Variants in SMG6 observed in about 807,000 individuals in gnomAD.
The protein encoded by SMG6 is SMG6 nonsense mediated mRNA decay factor, also known as telomerase-binding protein EST1A.
A neutral mutation model predicts 142.2 loss-of-function variants in SMG6; 66 were observed. The observed-to-expected ratio is 0.46, with a 90% CI of 0.38 to 0.57. The LOEUF is 0.57. SMG6 is among the 20% of genes least tolerant of loss of function. The probability of loss-of-function intolerance (pLI) is 0.00; values close to 1 mark genes in which losing one functional copy is unlikely to be tolerated. For synonymous variants in SMG6, 779 were observed against 702.4 expected (o/e 1.11, Z -1.72); for missense variants, 1,793 against 1,832.0 (o/e 0.98, Z 0.39).
intron 13 of SMG6, among the ~76,000 whole-genome samples, chr17:2,172,011 C>A (rs546073937): frequency 6.6e-6 from 1 of 152,148 alleles, no homozygotes; most frequent in South Asian, 2.1e-4. Flanking sequence ...CTTTACCTGG[C>A]TGAAAACCCA....
intron 13 of SMG6, among the ~76,000 whole-genome samples, chr17:2,094,490 C>T (rs2096893633): frequency 6.6e-6 from 1 of 152,144 alleles, no homozygotes; most frequent in African/African-American, 2.4e-5. Context: ...CCACCTGTCT[C>T]GGCCTCCCAA....
intron 13 of SMG6, among the ~76,000 whole-genome samples, chr17:2,118,017 G>A (rs1369384791): frequency 6.6e-6 from 1 of 151,424 alleles, no homozygotes; most frequent in Non-Finnish European, 1.5e-5. Context: ...CCAAGGCAGG[G>A]GGATCACTTG....
rs188665354 is a variant in SMG6, at chr17:2,251,222, T to C, written c.2662-6503A>G. Among the ~76,000 whole-genome samples the C allele has an allele frequency of 1.5e-4, 22 of 151,544 alleles. No individual in the cohort carries two copies. In the East Asian group the frequency reaches 2.9e-3, roughly 20 times the overall value. On this transcript the variant is annotated intron_variant, in intron 8 of 18. Transcript: ENST00000263073. ...TAATCATTCAGTAAAGACAGAGTTATTCATTATTAGTACTTTCAGCATTCC... is the reference window on the plus strand; with the variant it reads ...TAATCATTCAGTAAAGACAGAGTTACTCATTATTAGTACTTTCAGCATTCC...
At chr17:2,287,830 G>A (rs1892826785) in intron 6 of SMG6, among the ~76,000 whole-genome samples, 1 of 152,164 alleles carries the variant, frequency 6.6e-6, no homozygotes, top group African/African-American at 2.4e-5. Flanking sequence ...CCACTTATAT[G>A]AGGTACCTAG....
At chr17:2,208,679 A>G (rs1420957194) in intron 10 of SMG6, among the ~76,000 whole-genome samples, 1 of 152,224 alleles carries the variant, frequency 6.6e-6, no homozygotes, top group Non-Finnish European at 1.5e-5. Context: ...ACCTTCAAGG[A>G]GCTGAAGTCT....
At chr17:2,275,006 C>CAAA (rs57628038) in intron 8 of SMG6, among the ~76,000 whole-genome samples, 1 of 115,920 alleles carries the variant, frequency 8.6e-6, no homozygotes, top group Non-Finnish European at 1.9e-5. Flanking sequence ...AAAGCATGGG[C>CAAA]AAAAAAAAAA....
chr17:2,110,329 C>T (rs1283164806), intron 13 of SMG6, among the ~76,000 whole-genome samples: 1 of 152,042 alleles, frequency 6.6e-6, no homozygotes, highest in Non-Finnish European at 1.5e-5. Flanking sequence ...AAAACCTTCC[C>T]ACCTTTGATT....
At chr17:2,116,743 G>A (rs2069518697) in intron 13 of SMG6, among the ~76,000 whole-genome samples, 1 of 151,796 alleles carries the variant, frequency 6.6e-6, no homozygotes, top group Admixed American at 6.6e-5. Flanking sequence ...GCGAGACTCT[G>A]CCTCAAAAAA....
intron 10 of SMG6, among the ~76,000 whole-genome samples, chr17:2,207,126 A>C (rs2072709178): frequency 6.7e-6 from 1 of 149,884 alleles, no homozygotes; most frequent in African/African-American, 2.4e-5. Flanking sequence ...CCAAAAAAAA[A>C]AAAAAAAAAA....
intron 13 of SMG6, among the ~76,000 whole-genome samples, chr17:2,105,718 G>T (rs1390360069): frequency 2.6e-5 from 4 of 152,108 alleles, no homozygotes; most frequent in Non-Finnish European, 4.4e-5. Flanking sequence ...AAATTTCTCA[G>T]GATACCTGCC....
chr17:2,183,217 C>T lies in SMG6; in HGVS notation c.3155+3446G>A, dbSNP rs926464660. Among the ~76,000 whole-genome samples, 18 of 150,224 alleles carry T rather than the reference C, an allele frequency of 1.2e-4. 1 individual carries two copies. Among genetic ancestry groups the T allele is most frequent in the Non-Finnish European group, 2.5e-4 (17 of 67,740 alleles). ...GTCCACCCTGGGTAACAGAGCGAGA[C>T]CCTGGGAAAGGAAGGTAGGAAGGCA... On this transcript the variant is annotated intron_variant, in intron 12 of 18. Transcript: ENST00000263073.
At chr17:2,083,843 G>C (rs1244259078) in intron 14 of SMG6, among the ~76,000 whole-genome samples, 1 of 152,188 alleles carries the variant, frequency 6.6e-6, no homozygotes, top group Admixed American at 6.5e-5. Flanking sequence ...CACAGTAAAC[G>C]AGGAAGTGCA....
At position 2,088,524 on chromosome 17, in the gene SMG6, C is replaced by T. The variant is rs1317889393; in HGVS notation, c.3358-2623G>A. On this transcript the variant is annotated intron_variant, in intron 13 of 18. Transcript: ENST00000263073. ...TCCTTCTCTAGGACAAGGACAACTG[C>T]TGGCTGATATGCAAAAGGCTGTGAT... The T allele has an allele frequency of 8.1e-6, 8 of 985,300 alleles. No individual in the cohort carries two copies. In the African/African-American group the frequency reaches 1.4e-4, roughly 17 times the overall value. The allele number at this position is 985,300 out of a possible 1,614,324, so 61.0% of individuals were successfully genotyped here.
At chr17:2,195,622 A>G (rs2151708333) in intron 10 of SMG6, among the ~76,000 whole-genome samples, 1 of 152,338 alleles carries the variant, frequency 6.6e-6, no homozygotes, top group South Asian at 2.1e-4. Flanking sequence ...GGATCTAACC[A>G]TGAATGACAT....
intron 1 of SMG6, chr17:2,303,102 C>G (rs2075321278): frequency 2.0e-6 from 2 of 985,344 alleles, no homozygotes; most frequent in African/African-American, 3.5e-5. Context: ...CAGGGCCAAA[C>G]CCGAGTAGTC....
intron 18 of SMG6, 87 bp from the exon 19 acceptor site, chr17:2,061,709 G>A (rs1402256515): frequency 1.1e-5 from 16 of 1,448,670 alleles, no homozygotes; most frequent in Non-Finnish European, 1.5e-5. Flanking sequence ...ATGTGGTCCT[G>A]GGGAGGGGGT....
Position 2,286,662 on chromosome 17 carries a change from G to A in SMG6, c.2338-2927C>T, listed in dbSNP as rs190484318. Among the ~76,000 whole-genome samples, 54 of 152,144 alleles carry A rather than the reference G, an allele frequency of 3.5e-4. 1 individual carries two copies. In the East Asian group the frequency reaches 9.4e-3, roughly 27 times the overall value. On this transcript the variant is annotated intron_variant, in intron 6 of 18. Transcript: ENST00000263073. Reference sequence around the variant, plus strand: ...AAGTCTAAAACTCTAAGAAGAAAACGTAGAGGTAAATTTTCCAAACCTTGG... The same window carrying A: ...AAGTCTAAAACTCTAAGAAGAAAACATAGAGGTAAATTTTCCAAACCTTGG...
At chr17:2,088,379 T>C (rs1481785304) in intron 13 of SMG6, 1 of 985,296 alleles carries the variant, frequency 1.0e-6, no homozygotes, top group Non-Finnish European at 1.2e-6. Flanking sequence ...ACAGGGTCTG[T>C]GGGAATTGCC....
At chr17:2,266,057 A>T (rs1465232698) in intron 8 of SMG6, 2 of 985,242 alleles carry the variant, frequency 2.0e-6, no homozygotes, top group Non-Finnish European at 2.4e-6. Context: ...GAGCACAGAA[A>T]TGCCTTTCCC....
Sources: gnomAD v4.1 joint callset for allele counts (sites outside exome capture counted in the v4.1 genomes callset) on GRCh38, gnomAD v4.1.1 for gene constraint, MANE v1.5 for transcripts, NCBI Gene and HGNC (gene_info 2026-07-23, HGNC 2026-07-21) for gene names.